PTPRM: variants seen among roughly 807,000 people sequenced by gnomAD.
PTPRM encodes the protein receptor-type tyrosine-protein phosphatase mu.
PTPRM carries 47 observed loss-of-function variants against 186.7 expected under a neutral mutation model. That is an observed-to-expected ratio of 0.25 (90% CI 0.20 to 0.32). The LOEUF (loss-of-function observed/expected upper bound fraction) is 0.32. PTPRM is among the 10% of genes least tolerant of loss of function. The pLI is 1.00. For missense variants in PTPRM, 1,494 were observed against 1,865.0 expected, an observed-to-expected ratio of 0.80 and a Z score of 3.66; for synonymous variants, 668 against 674.9, an observed-to-expected ratio of 0.99 and a Z score of 0.16.
At chr18:7,834,726 C>A (rs1215305200) in intron 2 of PTPRM, among the ~76,000 whole-genome samples, 1 of 151,718 alleles carries the variant, frequency 6.6e-6, no homozygotes, top group Non-Finnish European at 1.5e-5. Context: ...AGCAGTGAAG[C>A]CATCATCAGG....
At chr18:7,898,973 G>A (rs984995650) in intron 3 of PTPRM, among the ~76,000 whole-genome samples, 3 of 152,160 alleles carry the variant, frequency 2.0e-5, no homozygotes, top group African/African-American at 4.8e-5. Flanking sequence ...GATCAATACC[G>A]GATGCCGTAT....
intron 22 of PTPRM, among the ~76,000 whole-genome samples, chr18:8,322,999 T>G (rs1033264284): frequency 6.6e-6 from 1 of 152,090 alleles, no homozygotes; most frequent in Non-Finnish European, 1.5e-5. Context: ...TTTATTTTAT[T>G]TTTTGTAGAT....
intron 11 of PTPRM, among the ~76,000 whole-genome samples, chr18:8,095,977 T>G (rs1245432601): frequency 1.3e-5 from 2 of 152,170 alleles, no homozygotes. Context: ...GTGTCTCTTG[T>G]TTGGAAGAAC....
At chr18:7,990,396 TTAA>T (rs1180853274) in intron 7 of PTPRM, among the ~76,000 whole-genome samples, 1 of 152,204 alleles carries the variant, frequency 6.6e-6, no homozygotes, top group Non-Finnish European at 1.5e-5. Flanking sequence ...TTATATTCTC[TTAA>T]TAAGAAGAGA....
chr18:8,197,199 T>C (rs1226400879), intron 14 of PTPRM, among the ~76,000 whole-genome samples: 1 of 152,234 alleles, frequency 6.6e-6, no homozygotes, highest in African/African-American at 2.4e-5. Flanking sequence ...GCCAATGTTC[T>C]ATGTAATGAG....
intron 11 of PTPRM, among the ~76,000 whole-genome samples, chr18:8,094,266 G>A (rs1197045247): frequency 1.3e-5 from 2 of 151,978 alleles, no homozygotes; most frequent in East Asian, 1.9e-4. Flanking sequence ...CTAACACTTC[G>A]GGAGGCCAAG....
chr18:7,829,882 T>G (rs946818818), intron 2 of PTPRM, among the ~76,000 whole-genome samples: 2 of 152,178 alleles, frequency 1.3e-5, no homozygotes, highest in African/African-American at 4.8e-5. Context: ...CCCCCTTTTT[T>G]GTGTGTGTCA....
chr18:8,343,137 TGGAGAAATA>T (rs1280419307), intron 22 of PTPRM, among the ~76,000 whole-genome samples: 2 of 152,150 alleles, frequency 1.3e-5, no homozygotes, highest in African/African-American at 4.8e-5. Context: ...AGCTAAATGA[TGGAGAAATA>T]ACTTTCTTTC....
intron 2 of PTPRM, among the ~76,000 whole-genome samples, chr18:7,802,590 C>T (rs1017467829): frequency 1.3e-5 from 2 of 152,060 alleles, no homozygotes; most frequent in African/African-American, 2.4e-5. Context: ...AGCCCACTGC[C>T]GTTATTACAA....
At position 7,568,244 on chromosome 18, in the gene PTPRM, T is replaced by C. The variant is rs1273773436; in HGVS notation, c.73+353T>C. 6.6e-6 allele frequency among the ~76,000 whole-genome samples: 1 copy of C among 151,788 alleles called. No individual in the cohort carries two copies. The highest frequency in any genetic ancestry group is 2.4e-5 in the African/African-American group (1 of 41,392). On this transcript the variant is annotated intron_variant, in intron 1 of 32. Transcript: ENST00000580170. The surrounding 1 kb of genome is among the most constrained non-coding windows in gnomAD (Gnocchi z 5.1). ...CAAAAGGAACAGCAGAAAACTTTGCTTGAAGTTCCCAGTTGCAGCCGCCGG... is the reference window on the plus strand; with the variant it reads ...CAAAAGGAACAGCAGAAAACTTTGCCTGAAGTTCCCAGTTGCAGCCGCCGG...
chr18:7,826,687 A>G (rs1217643092), intron 2 of PTPRM, among the ~76,000 whole-genome samples: 2 of 152,266 alleles, frequency 1.3e-5, no homozygotes, highest in African/African-American at 4.8e-5. Flanking sequence ...ACCGAAATTT[A>G]TCAAACAAAA....
chr18:7,891,649 T>A (rs949088202), intron 3 of PTPRM, among the ~76,000 whole-genome samples: 3 of 152,050 alleles, frequency 2.0e-5, no homozygotes, highest in African/African-American at 4.8e-5. Context: ...GGTAGGCAGG[T>A]GGATTGCTTG....
chr18:7,853,534 AC>A (rs1311105806), intron 2 of PTPRM, among the ~76,000 whole-genome samples: 4 of 152,130 alleles, frequency 2.6e-5, no homozygotes, highest in African/African-American at 4.8e-5. Context: ...TAAGAATCTC[AC>A]CTTGCCTTGT....
At chr18:7,736,658 GT>G (rs1216509286) in intron 1 of PTPRM, among the ~76,000 whole-genome samples, 1 of 152,224 alleles carries the variant, frequency 6.6e-6, no homozygotes, top group Non-Finnish European at 1.5e-5. Context: ...CAAGGGGTAC[GT>G]GACAGGGGCT....
rs571458733 is a variant in PTPRM at position 7,925,543 on chromosome 18, T to C, written c.548-1025T>C. On this transcript the variant is annotated intron_variant, in intron 4 of 32. Transcript: ENST00000580170. ...TACCCAGTAGTGGGGCACCCTTTTT[T>C]GAAGCTGCCTAGACATGGCTAAAGA... 3.3e-5 allele frequency among the ~76,000 whole-genome samples: 5 copies of C among 152,310 alleles called. No homozygotes were observed. In the East Asian group the frequency reaches 7.7e-4, roughly 23 times the overall value.
intron 14 of PTPRM, among the ~76,000 whole-genome samples, chr18:8,200,078 A>T (rs1355644468): frequency 6.6e-6 from 1 of 152,200 alleles, no homozygotes; most frequent in African/African-American, 2.4e-5. Context: ...CAGGCTACAG[A>T]CTATTCACAG....
At chr18:8,067,807 G>A (rs2089198163) in intron 7 of PTPRM, among the ~76,000 whole-genome samples, 1 of 152,150 alleles carries the variant, frequency 6.6e-6, no homozygotes, top group Admixed American at 6.5e-5. Context: ...AGCTGAACTG[G>A]GGAATGTGGC....
At chr18:7,770,335 A>G (rs2042218431) in intron 1 of PTPRM, among the ~76,000 whole-genome samples, 1 of 152,212 alleles carries the variant, frequency 6.6e-6, no homozygotes, top group African/African-American at 2.4e-5. Context: ...AGGAACCTAC[A>G]GGATGTTACC....
In PTPRM at chr18:7,813,355, A is replaced by G. The variant is rs188903639; in HGVS notation, c.196+39084A>G. On this transcript the variant is annotated intron_variant, in intron 2 of 32. Transcript: ENST00000580170. ...GATTGACAAAGATCAAGTGCTTGGA[A>G]CCGGTAGCCAGTAAGACTATTTCTC... Among the ~76,000 whole-genome samples the G allele has an allele frequency of 4.1e-3, 629 of 152,286 alleles. 2 individuals are homozygous for G. The highest frequency in any genetic ancestry group is 0.02 in the Middle Eastern group (6 of 294).
Sources: allele counts gnomAD v4.1 joint callset (sites outside exome capture counted in the v4.1 genomes callset), GRCh38; gene constraint gnomAD v4.1.1; non-coding constraint Gnocchi (gnomAD v3.1); transcripts MANE v1.5; gene names NCBI Gene and HGNC (gene_info 2026-07-23, HGNC 2026-07-21).